ANO2: variants seen among roughly 807,000 people sequenced by gnomAD.
The protein encoded by ANO2 is anoctamin-2.
Under a neutral mutation model 124.2 loss-of-function variants are expected in ANO2, and 101 were observed. The observed-to-expected ratio is 0.81, with a 90% CI of 0.69 to 0.96. The LOEUF (loss-of-function observed/expected upper bound fraction) is 0.96, where lower values mean the gene tolerates loss of function less well. ANO2 is among the 40% of genes least tolerant of loss of function. The probability of loss-of-function intolerance (pLI) is 0.00; values close to 1 mark genes in which losing one functional copy is unlikely to be tolerated. For missense variants in ANO2, 1,293 were observed against 1,274.5 expected (o/e 1.01, Z -0.22); for synonymous variants, 486 against 482.5 (o/e 1.01, Z -0.09).
chr12:5,574,381 G>T (rs532985904), intron 23 of ANO2, among the ~76,000 whole-genome samples: 1 of 152,294 alleles, frequency 6.6e-6, no homozygotes, highest in Admixed American at 6.5e-5. Flanking sequence ...CCAGCTTAGT[G>T]TGTCAAGGAG....
intron 14 of ANO2, among the ~76,000 whole-genome samples, chr12:5,652,727 C>T (rs916550760): frequency 5.9e-5 from 9 of 151,982 alleles, no homozygotes; most frequent in Non-Finnish European, 1.2e-4. Flanking sequence ...GGGAGGAAGA[C>T]CACAGAGGGA....
chr12:5,773,244 T>G (rs1371258276), intron 10 of ANO2, among the ~76,000 whole-genome samples: 1 of 152,244 alleles, frequency 6.6e-6, no homozygotes, highest in Admixed American at 6.5e-5. Context: ...CCATTTTTTG[T>G]TGATTTCCTG....
chr12:5,944,146 C>T (rs1265929625), intron 1 of ANO2, among the ~76,000 whole-genome samples: 2 of 152,188 alleles, frequency 1.3e-5, no homozygotes, highest in Non-Finnish European at 2.9e-5. Flanking sequence ...GCCCTGGATG[C>T]CCAGCAGCTG....
At chr12:5,847,148 C>T (rs1423393154) in intron 4 of ANO2, among the ~76,000 whole-genome samples, 2 of 152,216 alleles carry the variant, frequency 1.3e-5, no homozygotes, top group African/African-American at 2.4e-5. Flanking sequence ...CTCATCCAAT[C>T]AGTTGAAGGC....
intron 3 of ANO2, among the ~76,000 whole-genome samples, chr12:5,867,172 T>C (rs1278693961): frequency 1.3e-5 from 2 of 152,248 alleles, no homozygotes; most frequent in Non-Finnish European, 2.9e-5. Context: ...ACTTTGAACA[T>C]GTACAAAGAA....
chr12:5,853,870 C>T (rs890407116), intron 4 of ANO2, among the ~76,000 whole-genome samples, 173 bp downstream of exon 4: 14 of 145,526 alleles, frequency 9.6e-5, no homozygotes, highest in Non-Finnish European at 2.0e-4. Context: ...AACTCTTCCC[C>T]GTCCCCGTCC....
intron 1 of ANO2, among the ~76,000 whole-genome samples, chr12:5,932,312 T>A (rs1161691675): frequency 1.0e-4 from 15 of 143,464 alleles, no homozygotes; most frequent in African/African-American, 3.9e-4. Context: ...GGCAGACGAG[T>A]GAGGAAAGAA....
At chr12:5,865,780 T>C (rs1222198742) in intron 3 of ANO2, among the ~76,000 whole-genome samples, 2 of 152,064 alleles carry the variant, frequency 1.3e-5, no homozygotes, top group African/African-American at 2.4e-5. Flanking sequence ...CACACCATCA[T>C]GCATTCACAC....
At chr12:5,668,716 T>C (rs899776812) in intron 14 of ANO2, among the ~76,000 whole-genome samples, 2 of 152,204 alleles carry the variant, frequency 1.3e-5, no homozygotes, top group African/African-American at 4.8e-5. Context: ...TTGAATTACT[T>C]TTGGTATAAG....
chr12:5,686,866 A>C (rs1948733389), intron 14 of ANO2, among the ~76,000 whole-genome samples: 1 of 152,240 alleles, frequency 6.6e-6, no homozygotes, highest in African/African-American at 2.4e-5. Flanking sequence ...TTGTCACTTA[A>C]GCCTCAAGTG....
chr12:5,762,022 C>A (rs1196653393), intron 10 of ANO2, among the ~76,000 whole-genome samples: 1 of 151,994 alleles, frequency 6.6e-6, no homozygotes, highest in African/African-American at 2.4e-5. Context: ...TTGTTAAGAA[C>A]AAGTAAATTA....
intron 14 of ANO2, among the ~76,000 whole-genome samples, chr12:5,729,045 T>A (rs1464366127): frequency 6.6e-6 from 1 of 152,110 alleles, no homozygotes; most frequent in Non-Finnish European, 1.5e-5. Context: ...AGAAGAAAAA[T>A]TAGAAATATC....
intron 16 of ANO2, among the ~76,000 whole-genome samples, chr12:5,631,361 C>T (rs569191317): frequency 4.6e-5 from 7 of 152,284 alleles, no homozygotes; most frequent in African/African-American, 1.7e-4. Flanking sequence ...ATAAAGCTAC[C>T]ACCTTGAAAT....
intron 3 of ANO2, among the ~76,000 whole-genome samples, chr12:5,877,386 G>C (rs1317946847): frequency 6.6e-6 from 1 of 152,160 alleles, no homozygotes; most frequent in Admixed American, 6.5e-5. Flanking sequence ...TGGACTTCTG[G>C]ATTTTGATTG....
chr12:5,833,591 G>A (rs1388715694), intron 4 of ANO2, among the ~76,000 whole-genome samples: 1 of 152,210 alleles, frequency 6.6e-6, no homozygotes, highest in Non-Finnish European at 1.5e-5. Context: ...TCCATGGCCT[G>A]TTAGGAACTG....
Position 5,922,891 on chromosome 12 carries a change from G to A in ANO2, c.23-87C>T, listed in dbSNP as rs1007042969. The A allele has an allele frequency of 2.1e-5, 28 of 1,322,052 alleles. No individual in the cohort carries two copies. The South Asian group carries it at 4.5e-4, about 21-fold the overall frequency. The allele number at this position is 1,322,052 out of a possible 1,614,324, so 81.9% of individuals were successfully genotyped here. A position where few individuals can be genotyped will look rare whatever the true frequency, so the allele number is the denominator to read the frequency against. On this transcript the variant is annotated intron_variant, in intron 1 of 24. Coordinates refer to ENST00000682330, the MANE Select transcript of ANO2 (RefSeq NM_001364791.2). ...AGGTACTGAGTGTACTCAGACACTA[G>A]CCCTGAGAAAATGGCCCATTTTGCT...
intron 3 of ANO2, among the ~76,000 whole-genome samples, chr12:5,869,391 C>A (rs1418293698): frequency 6.6e-6 from 1 of 152,186 alleles, no homozygotes; most frequent in African/African-American, 2.4e-5. Context: ...GGACAAGGAT[C>A]CAGGCCCTGT....
chr12:5,852,617 A>AAAATGGTGT (rs1954945779), intron 4 of ANO2, among the ~76,000 whole-genome samples: 1 of 152,096 alleles, frequency 6.6e-6, no homozygotes, highest in African/African-American at 2.4e-5. Flanking sequence ...GTTGGTAGTG[A>AAAATGGTGT]AAATGGTGTT....
At chr12:5,905,352 G>GGTA (rs1002377323) in intron 3 of ANO2, among the ~76,000 whole-genome samples, 3 of 152,150 alleles carry the variant, frequency 2.0e-5, no homozygotes, top group African/African-American at 7.2e-5. Context: ...TAGGGGCAGT[G>GGTA]GTAGTATACG....
Sources: allele counts gnomAD v4.1 joint callset (sites outside exome capture counted in the v4.1 genomes callset), GRCh38; gene constraint gnomAD v4.1.1; transcripts MANE v1.5; gene names NCBI Gene and HGNC (gene_info 2026-07-23, HGNC 2026-07-21).